CMPK2: variants seen among roughly 807,000 people sequenced by gnomAD.
CMPK2 encodes UMP-CMP kinase 2, mitochondrial.
In CMPK2, 32 loss-of-function variants were observed where a neutral mutation model predicts 33.4. That is an observed-to-expected ratio of 0.96 (90% CI 0.72 to 1.29). CMPK2 has a LOEUF of 1.29. Ranked by LOEUF, CMPK2 falls within the 50% of genes most tolerant of loss-of-function variation. CMPK2 has a pLI of 0.00. For synonymous variants in CMPK2, 299 were observed against 275.3 expected (o/e 1.09, Z -0.85); for missense variants, 672 against 616.0 (o/e 1.09, Z -0.96).
chr2:6,864,919 A>G (rs1206776275), intron 1 of CMPK2, 103 bp downstream of exon 1: 2 of 1,324,380 alleles, frequency 1.5e-6, no homozygotes, highest in African/African-American at 3.1e-5. Context: ...TAAACAAACC[A>G]CCCAGGCAAG....
At chr2:6,842,242 A>T (rs879508876) in intron 3 of CMPK2, among the ~76,000 whole-genome samples, 2 of 152,292 alleles carry the variant, frequency 1.3e-5, no homozygotes, top group South Asian at 2.1e-4. Context: ...CTCCAATTTC[A>T]TCTGGAAGGA....
chr2:6,859,700 C>T (rs538032921), intron 3 of CMPK2, among the ~76,000 whole-genome samples: 121 of 152,330 alleles, frequency 7.9e-4, no homozygotes, highest in African/African-American at 2.7e-3. Context: ...CCTGGATGTC[C>T]AGGCAGAAGT....
intron 3 of CMPK2, among the ~76,000 whole-genome samples, chr2:6,854,719 C>T (rs1662633556): frequency 6.6e-6 from 1 of 152,206 alleles, no homozygotes; most frequent in Non-Finnish European, 1.5e-5. Flanking sequence ...AAGCAATTTG[C>T]CAACACATTA....
chr2:6,863,257 T>C (rs1009813273), intron 2 of CMPK2, among the ~76,000 whole-genome samples: 1 of 152,164 alleles, frequency 6.6e-6, no homozygotes, highest in Non-Finnish European at 1.5e-5. Context: ...GCCAGAGCAC[T>C]GAGGATCCGC....
At chr2:6,865,962 G>T, upstream of CMPK2, 1 of 1,120,522 alleles carries the variant, frequency 8.9e-7, no homozygotes, top group Non-Finnish European at 1.2e-6. Flanking sequence ...GGCCCCAGGT[G>T]CGCGGCTCCG....
chr2:6,841,071 A>G (rs1001255321), intron 3 of CMPK2, among the ~76,000 whole-genome samples: 1 of 152,074 alleles, frequency 6.6e-6, no homozygotes, highest in African/African-American at 2.4e-5. Context: ...CTTCAAGCAC[A>G]ATGAAGATGG....
chr2:6,864,431 A>C (rs1662984599), intron 1 of CMPK2: 1 of 152,194 alleles, frequency 6.6e-6, no homozygotes, highest in Non-Finnish European at 1.5e-5. Flanking sequence ...TCACAGGAGG[A>C]CATCTGCCTA....
intron 3 of CMPK2, among the ~76,000 whole-genome samples, chr2:6,859,560 G>T (rs906854101): frequency 6.6e-6 from 1 of 152,324 alleles, no homozygotes; most frequent in Admixed American, 6.5e-5. Flanking sequence ...TACAGCTCAG[G>T]CTCTTGATTC....
chr2:6,853,209 C>G (rs1363032816), intron 3 of CMPK2, among the ~76,000 whole-genome samples: 1 of 152,174 alleles, frequency 6.6e-6, no homozygotes, highest in Non-Finnish European at 1.5e-5. Flanking sequence ...CTTGGCCTCT[C>G]AAAGTGCTGG....
chr2:6,841,507 G>C (rs1662233378), intron 3 of CMPK2, among the ~76,000 whole-genome samples: 1 of 152,190 alleles, frequency 6.6e-6, no homozygotes, highest in Non-Finnish European at 1.5e-5. Flanking sequence ...TCTTTCCCAA[G>C]TGAAAAGTTT....
At chr2:6,864,875 A>C in intron 1 of CMPK2, 147 bp downstream of exon 1, 1 of 1,186,228 alleles carries the variant, frequency 8.4e-7, no homozygotes, top group Non-Finnish European at 1.1e-6. Flanking sequence ...CCTGGCATAC[A>C]GGACACCTTC....
intron 1 of CMPK2, 54 bp downstream of exon 1, chr2:6,864,968 G>A (rs1663011387): frequency 7.2e-7 from 1 of 1,384,458 alleles, no homozygotes; most frequent in Non-Finnish European, 9.4e-7. Flanking sequence ...CCAGTTCTCT[G>A]GTCTGAAGGG....
intron 3 of CMPK2, among the ~76,000 whole-genome samples, chr2:6,856,990 G>T (rs186996135): frequency 4.3e-4 from 65 of 152,316 alleles, no homozygotes; most frequent in South Asian, 8.3e-4. Context: ...TCTTCAGTAG[G>T]CAGGAGCAAT....
At position 6,848,451 on chromosome 2, in the gene CMPK2, C is replaced by A. The variant is rs187356536; in HGVS notation, c.*1399G>T. The A allele has an allele frequency of 4.2e-4, 411 of 981,364 alleles. 1 individual carries two copies. The African/African-American group carries it at 6.9e-3, about 16-fold the overall frequency. The allele number at this position is 981,364 out of a possible 1,614,324, so 60.8% of individuals were successfully genotyped here. A position where few individuals can be genotyped will look rare whatever the true frequency, so the allele number is the denominator to read the frequency against. ...ATAAAACCAATAATACAGCTAGATA[C>A]CACATTGCAAAGAACCCTAATGCTA... On this transcript the variant is annotated 3_prime_UTR_variant, in exon 5 of 5. Coordinates refer to ENST00000256722, the MANE Select transcript of CMPK2 (RefSeq NM_207315.4).
At chr2:6,841,689 G>T (rs1662238556) in intron 3 of CMPK2, among the ~76,000 whole-genome samples, 1 of 131,470 alleles carries the variant, frequency 7.6e-6, no homozygotes, top group African/African-American at 2.5e-5. Flanking sequence ...TCCCAAATTA[G>T]ACAGCCTTCA....
chr2:6,840,947 A>G (rs941367156), intron 3 of CMPK2, among the ~76,000 whole-genome samples: 4 of 152,126 alleles, frequency 2.6e-5, no homozygotes, highest in Admixed American at 6.5e-5. Flanking sequence ...CCTCACCTGC[A>G]CTAAGGCTAT....
chr2:6,848,261 G>A, downstream of CMPK2: 1 of 750,000 alleles, frequency 1.3e-6, no homozygotes, highest in South Asian at 6.0e-5. Flanking sequence ...ATATTAAAAG[G>A]GGAATCTGAG....
At position 6,848,855 on chromosome 2, in the gene CMPK2, G is replaced by A; in HGVS notation, c.*995C>T. ...ATATGTAATCATGAGACATTCAAGTGCAAGATAATTTACCAAGAAATCCCA... is the reference window on the plus strand; with the variant it reads ...ATATGTAATCATGAGACATTCAAGTACAAGATAATTTACCAAGAAATCCCA... On this transcript the variant is annotated 3_prime_UTR_variant, in exon 5 of 5. Transcript: ENST00000256722. The A allele has an allele frequency of 1.0e-6, 1 of 985,764 alleles. No homozygotes were observed. The highest frequency in any genetic ancestry group is 1.2e-6 in the Non-Finnish European group (1 of 829,894). The allele number at this position is 985,764 out of a possible 1,614,324, so 61.1% of individuals were successfully genotyped here. A position where few individuals can be genotyped will look rare whatever the true frequency, so the allele number is the denominator to read the frequency against.
At chr2:6,863,635 C>T in intron 1 of CMPK2, 57 bp from the exon 2 acceptor site, 1 of 1,290,710 alleles carries the variant, frequency 7.7e-7, no homozygotes, top group Non-Finnish European at 1.1e-6. Flanking sequence ...GCAGAAATCA[C>T]ACCTAAATTG....
Sources: gnomAD v4.1 joint callset for allele counts (sites outside exome capture counted in the v4.1 genomes callset) on GRCh38, gnomAD v4.1.1 for gene constraint, MANE v1.5 for transcripts, NCBI Gene and HGNC (gene_info 2026-07-23, HGNC 2026-07-21) for gene names.